EPB41L4B: variants seen among roughly 807,000 people sequenced by gnomAD.
The protein encoded by EPB41L4B is erythrocyte membrane protein band 4.1 like 4B.
Under a neutral mutation model 112.5 loss-of-function variants are expected in EPB41L4B, and 30 were observed. The observed-to-expected ratio is 0.27, with a 90% CI of 0.20 to 0.36. The LOEUF (loss-of-function observed/expected upper bound fraction) is 0.36, where lower values mean the gene tolerates loss of function less well. Among genes scored for constraint, EPB41L4B ranks in the 10% least tolerant of loss-of-function variants. The pLI is 1.00. For missense variants in EPB41L4B, 1,024 were observed against 1,133.3 expected (o/e 0.90, Z 1.38); for synonymous variants, 408 against 439.7 (o/e 0.93, Z 0.90).
intron 15 of EPB41L4B, among the ~76,000 whole-genome samples, chr9:109,218,558 C>A (rs138624471): frequency 6.6e-6 from 1 of 152,224 alleles, no homozygotes; most frequent in African/African-American, 2.4e-5. Flanking sequence ...CTCCATGGAC[C>A]CAGGTGAAGA....
intron 1 of EPB41L4B, among the ~76,000 whole-genome samples, chr9:109,282,217 T>A (rs1013576745): frequency 1.3e-5 from 2 of 152,118 alleles, no homozygotes; most frequent in African/African-American, 4.8e-5. Flanking sequence ...AGAAATTAGA[T>A]TAGTGGTTGC....
At chr9:109,259,378 G>A (rs778050753) in intron 6 of EPB41L4B, among the ~76,000 whole-genome samples, 6 of 152,180 alleles carry the variant, frequency 3.9e-5, no homozygotes, top group African/African-American at 7.2e-5. Flanking sequence ...TCTGGAACCC[G>A]GCCTAAGAAC....
intron 20 of EPB41L4B, among the ~76,000 whole-genome samples, chr9:109,197,828 A>AC (rs1029507965): frequency 2.1e-4 from 32 of 151,750 alleles, no homozygotes; most frequent in East Asian, 1.2e-3. Flanking sequence ...TCAAAAAAAA[A>AC]AAAAAACAAA....
chr9:109,228,193 A>G (rs1476494156), intron 15 of EPB41L4B, among the ~76,000 whole-genome samples: 2 of 152,202 alleles, frequency 1.3e-5, no homozygotes, highest in Admixed American at 1.3e-4. Context: ...TTATCAGGTT[A>G]GACAGTTCTT....
In EPB41L4B at chr9:109,174,296, C is replaced by A. The variant is rs568904649; in HGVS notation, c.*258G>T. 5.6e-5 allele frequency: 22 copies of A among 392,118 alleles called. 1 individual carries two copies. The South Asian group carries it at 9.3e-4, about 17-fold the overall frequency. The allele number at this position is 392,118 out of a possible 1,614,324, so 24.3% of individuals were successfully genotyped here. On this transcript the variant is annotated 3_prime_UTR_variant, in exon 26 of 26. Transcript: ENST00000374566. ...CACAGGTACTTCTGAAAAGGAATCCCGTTTTCCCATCTTTCTTTTCCTAGA... is the reference window on the plus strand; with the variant it reads ...CACAGGTACTTCTGAAAAGGAATCCAGTTTTCCCATCTTTCTTTTCCTAGA...
chr9:109,220,391 G>A (rs1258119016), intron 15 of EPB41L4B, among the ~76,000 whole-genome samples: 1 of 152,222 alleles, frequency 6.6e-6, no homozygotes, highest in East Asian at 1.9e-4. Context: ...GCTTAAGCAA[G>A]GGAGTTAGAT....
chr9:109,212,454 A>G (rs1447609035), intron 17 of EPB41L4B, among the ~76,000 whole-genome samples: 4 of 152,174 alleles, frequency 2.6e-5, no homozygotes, highest in Non-Finnish European at 5.9e-5. Context: ...GCTGGCAATC[A>G]TGGAGGGAGG....
At chr9:109,319,695 G>C (rs1410172847) in intron 1 of EPB41L4B, among the ~76,000 whole-genome samples, 1 of 152,200 alleles carries the variant, frequency 6.6e-6, no homozygotes, top group Non-Finnish European at 1.5e-5. Flanking sequence ...AGTTTGAGGG[G>C]GGACAAGCTG....
intron 14 of EPB41L4B, among the ~76,000 whole-genome samples, chr9:109,245,734 C>T (rs150488568): frequency 6.6e-6 from 1 of 152,330 alleles, no homozygotes; most frequent in East Asian, 1.9e-4. Context: ...TATTCACATG[C>T]CAATCAGGCC....
chr9:109,259,659 TG>T (rs1286187045), intron 6 of EPB41L4B, among the ~76,000 whole-genome samples: 3 of 152,158 alleles, frequency 2.0e-5, no homozygotes, highest in Non-Finnish European at 4.4e-5. Context: ...ATTTGTAAAA[TG>T]GGAATTGTTA....
At chr9:109,277,281 C>T (rs934312119) in intron 2 of EPB41L4B, among the ~76,000 whole-genome samples, 2 of 144,608 alleles carry the variant, frequency 1.4e-5, no homozygotes, top group East Asian at 2.0e-4. Context: ...GCCTGCCGCT[C>T]CAGGTGTAGA....
chr9:109,265,312 G>A (rs1412358784), intron 4 of EPB41L4B, among the ~76,000 whole-genome samples: 7 of 152,192 alleles, frequency 4.6e-5, no homozygotes, highest in African/African-American at 7.2e-5. Context: ...AACCCCCTCC[G>A]TGCTGGAGAA....
At chr9:109,289,470 C>T (rs939106322) in intron 1 of EPB41L4B, among the ~76,000 whole-genome samples, 2 of 151,864 alleles carry the variant, frequency 1.3e-5, no homozygotes, top group Non-Finnish European at 2.9e-5. Context: ...TGCTTCTCTG[C>T]CAGCTGACAT....
chr9:109,205,860 G>A (rs1199269548), intron 18 of EPB41L4B, among the ~76,000 whole-genome samples: 1 of 152,146 alleles, frequency 6.6e-6, no homozygotes, highest in African/African-American at 2.4e-5. Context: ...CAAGCTTAAG[G>A]TGACATTCCT....
At chr9:109,223,227 C>T (rs1478210029) in intron 15 of EPB41L4B, among the ~76,000 whole-genome samples, 4 of 151,942 alleles carry the variant, frequency 2.6e-5, no homozygotes, top group Admixed American at 6.6e-5. Context: ...ATTGCTTGGG[C>T]CTAGGAGTTC....
In EPB41L4B at chr9:109,255,582, T is replaced by C. The variant is rs751353334; in HGVS notation, c.1098A>G (p.Arg366=). 1.2e-6 allele frequency: 2 copies of C among 1,614,232 alleles called. No homozygotes were observed. Among genetic ancestry groups the C allele is most frequent in the Non-Finnish European group, 1.7e-6 (2 of 1,180,036 alleles). ...ATTTGCTGTTTCCTGGCGTCCGCAG[T>C]CGGAAGAATGCGTGGTGCTCAACTG... ...KCAVEHHAFF[R]LRTPGNSKSN... Residue 366 remains arginine, a synonymous_variant, in exon 11 of 26, where the codon CGA becomes CGG. Transcript: ENST00000374566.
intron 2 of EPB41L4B, among the ~76,000 whole-genome samples, chr9:109,277,285 G>A (rs1835866476): frequency 7.0e-6 from 1 of 142,592 alleles, no homozygotes; most frequent in African/African-American, 2.6e-5. Flanking sequence ...GCCGCTCCAG[G>A]TGTAGAGAGT....
intron 15 of EPB41L4B, among the ~76,000 whole-genome samples, chr9:109,225,957 A>C (rs1291496438): frequency 6.6e-6 from 1 of 152,224 alleles, no homozygotes; most frequent in Non-Finnish European, 1.5e-5. Flanking sequence ...CAATTCGATT[A>C]TGAACTCATC....
At chr9:109,183,208 G>A (rs1189065242) in intron 23 of EPB41L4B, among the ~76,000 whole-genome samples, 1 of 152,202 alleles carries the variant, frequency 6.6e-6, no homozygotes, top group East Asian at 1.9e-4. Flanking sequence ...ATGGCCTAGA[G>A]GCTGCTGAGA....
Sources: gnomAD v4.1 joint callset for allele counts (sites outside exome capture counted in the v4.1 genomes callset) on GRCh38, gnomAD v4.1.1 for gene constraint, MANE v1.5 for transcripts, NCBI Gene and HGNC (gene_info 2026-07-23, HGNC 2026-07-21) for gene names.